The following NRXN1 variants were observed in gnomAD, a reference collection of about 807,000 sequenced individuals.
The protein encoded by NRXN1 is neurexin 1.
A neutral mutation model predicts 150.9 loss-of-function variants in NRXN1; 39 were observed. That is an observed-to-expected ratio of 0.26 (90% CI 0.20 to 0.34). The LOEUF is 0.34. NRXN1 is among the 10% of genes least tolerant of loss of function. The pLI, the probability that NRXN1 is intolerant of heterozygous loss-of-function variation, is 1.00. For synonymous variants in NRXN1, 924 were observed against 757.0 expected (o/e 1.22, Z -3.62); for missense variants, 1,815 against 1,949.9 (o/e 0.93, Z 1.30).
At chr2:50,272,362 G>A (rs557724881) in intron 17 of NRXN1, among the ~76,000 whole-genome samples, 51 of 152,238 alleles carry the variant, frequency 3.4e-4, no homozygotes, top group African/African-American at 1.2e-3. Flanking sequence ...TAGGAGAAAC[G>A]TAGCTGACTG....
chr2:50,879,831 T>C (rs11888865), intron 5 of NRXN1, among the ~76,000 whole-genome samples: 58,324 of 151,736 alleles, frequency 0.38, 12,147 homozygotes, highest in Non-Finnish European at 0.47. Flanking sequence ...TGTTGTGTTA[T>C]GGTCGTAATG....
At chr2:50,443,030 G>A (rs981945534) in intron 17 of NRXN1, among the ~76,000 whole-genome samples, 1 of 152,138 alleles carries the variant, frequency 6.6e-6, no homozygotes, top group Non-Finnish European at 1.5e-5. Flanking sequence ...GTTGAATAGT[G>A]AACGTGGGTG....
intron 18 of NRXN1, among the ~76,000 whole-genome samples, chr2:50,216,734 G>C (rs753139305): frequency 2.0e-5 from 3 of 151,984 alleles, no homozygotes; most frequent in Non-Finnish European, 2.9e-5. Context: ...TGCTAGTTGG[G>C]TGGAAAGTTC....
intron 17 of NRXN1, among the ~76,000 whole-genome samples, chr2:50,366,445 A>G (rs1437423626): frequency 6.6e-6 from 1 of 151,766 alleles, no homozygotes; most frequent in African/African-American, 2.4e-5. Flanking sequence ...GTTGTGACAG[A>G]GTAATTCTAG....
chr2:50,568,882 G>T (rs1670245678), intron 8 of NRXN1, among the ~76,000 whole-genome samples: 2 of 152,076 alleles, frequency 1.3e-5, no homozygotes, highest in African/African-American at 4.8e-5. Flanking sequence ...CCAAGATTTG[G>T]AAGCAACCTA....
chr2:50,955,668 C>T (rs539175924), intron 2 of NRXN1, among the ~76,000 whole-genome samples: 1 of 152,276 alleles, frequency 6.6e-6, no homozygotes, highest in South Asian at 2.1e-4. Context: ...AGTTAGATAA[C>T]AGCAAGTTGA....
chr2:50,653,987 T>TC (rs1437724932), intron 5 of NRXN1, among the ~76,000 whole-genome samples: 3 of 151,494 alleles, frequency 2.0e-5, no homozygotes, highest in South Asian at 4.2e-4. Flanking sequence ...TTTTTTTTTT[T>TC]TTTTTCTGGT....
intron 18 of NRXN1, among the ~76,000 whole-genome samples, chr2:50,219,969 A>ATTATATAT: frequency 1.8e-5 from 1 of 54,370 alleles, no homozygotes; most frequent in South Asian, 3.9e-4. Context: ...TATATTATAT[A>ATTATATAT]TATATAATAT....
At chr2:50,508,906 A>C (rs746952525) in intron 12 of NRXN1, among the ~76,000 whole-genome samples, 1 of 152,200 alleles carries the variant, frequency 6.6e-6, no homozygotes, top group Non-Finnish European at 1.5e-5. Flanking sequence ...ACTTCAACAC[A>C]ATGTTACCCA....
intron 18 of NRXN1, among the ~76,000 whole-genome samples, chr2:50,192,949 A>G (rs927308841): frequency 6.6e-6 from 1 of 152,174 alleles, no homozygotes; most frequent in African/African-American, 2.4e-5. Flanking sequence ...AGTAAAATAC[A>G]TATTTTTAAA....
At position 50,859,326 on chromosome 2, in the gene NRXN1, G is replaced by A. The variant is rs142483807; in HGVS notation, c.832+62543C>T. Among the ~76,000 whole-genome samples, 28 of 152,074 alleles carry A rather than the reference G, an allele frequency of 1.8e-4. No individual in the cohort carries two copies. In the East Asian group the frequency reaches 4.9e-3, roughly 26 times the overall value. Reference sequence around the variant, plus strand: ...CACACCTTGGCAGTGCTAGGGGGCAGTGCACAGAAGCCAGATTTGGCAAGA... The same window carrying A: ...CACACCTTGGCAGTGCTAGGGGGCAATGCACAGAAGCCAGATTTGGCAAGA... On this transcript the variant is annotated intron_variant, in intron 5 of 22. Coordinates refer to ENST00000401669, the MANE Select transcript of NRXN1 (RefSeq NM_001330078.2).
intron 18 of NRXN1, among the ~76,000 whole-genome samples, chr2:50,133,911 G>A (rs141110509): frequency 3.6e-3 from 542 of 152,282 alleles, no homozygotes; most frequent in East Asian, 5.6e-3. Context: ...GAAACCTCCA[G>A]TGAAGCAGAA....
chr2:50,992,274 C>A (rs1698646602), intron 2 of NRXN1, among the ~76,000 whole-genome samples: 1 of 152,018 alleles, frequency 6.6e-6, no homozygotes, highest in African/African-American at 2.4e-5. Context: ...GCATTACCCA[C>A]ATTTTATAGA....
rs1678392926 is a variant in NRXN1 at position 49,973,762 on chromosome 2, A to C, written c.4129-29971T>G. The C allele has an allele frequency of 7.2e-6, 4 of 552,982 alleles. No homozygotes were observed. The South Asian group carries it at 7.4e-5, about 10-fold the overall frequency. 34.3% of individuals were successfully genotyped at this position (552,982 alleles called of 1,614,324 possible). A position where few individuals can be genotyped will look rare whatever the true frequency, so the allele number is the denominator to read the frequency against. On this transcript the variant is annotated intron_variant, in intron 21 of 22. Coordinates refer to ENST00000401669, the MANE Select transcript of NRXN1 (RefSeq NM_001330078.2). ...TTAAGGACATTTTAAAATTTAAAAC[A>C]ACCTTTCCACATTTCACATACAGCG...
chr2:50,154,265 T>A (rs1228426504), intron 18 of NRXN1, among the ~76,000 whole-genome samples: 1 of 151,702 alleles, frequency 6.6e-6, no homozygotes, highest in Non-Finnish European at 1.5e-5. Flanking sequence ...CAATGTATAC[T>A]GCTCGGGTGA....
chr2:50,268,922 A>G (rs2069222860), intron 17 of NRXN1, among the ~76,000 whole-genome samples: 1 of 152,152 alleles, frequency 6.6e-6, no homozygotes, highest in Non-Finnish European at 1.5e-5. Flanking sequence ...ACGATGCTTC[A>G]TGCCTGTATT....
chr2:50,220,907 A>G (rs1420438375), intron 18 of NRXN1, among the ~76,000 whole-genome samples: 1 of 152,016 alleles, frequency 6.6e-6, no homozygotes, highest in Non-Finnish European at 1.5e-5. Flanking sequence ...TAACTAGAAG[A>G]TATGCACACA....
intron 5 of NRXN1, among the ~76,000 whole-genome samples, chr2:50,728,800 G>C (rs1459779091): frequency 6.6e-6 from 1 of 152,056 alleles, no homozygotes; most frequent in Non-Finnish European, 1.5e-5. Context: ...AACTAAATAA[G>C]CAGTATTTTA....
intron 21 of NRXN1, chr2:49,969,655 T>G (rs1265907411): frequency 6.6e-6 from 1 of 152,092 alleles, no homozygotes; most frequent in African/African-American, 2.4e-5. Context: ...AAGAATTTTG[T>G]CTTTGATATA....
Sources: gnomAD v4.1 joint callset for allele counts (sites outside exome capture counted in the v4.1 genomes callset) on GRCh38, gnomAD v4.1.1 for gene constraint, MANE v1.5 for transcripts, NCBI Gene and HGNC (gene_info 2026-07-23, HGNC 2026-07-21) for gene names.